Variants in MRTFB observed in about 807,000 individuals in gnomAD.
MRTFB encodes the protein myocardin-related transcription factor B.
A neutral mutation model predicts 104.2 loss-of-function variants in MRTFB; 29 were observed. That is an observed-to-expected ratio of 0.28 (90% CI 0.21 to 0.38). The LOEUF is 0.38. MRTFB is among the 10% of genes least tolerant of loss of function. The probability of loss-of-function intolerance (pLI) is 1.00; values close to 1 mark genes in which losing one functional copy is unlikely to be tolerated. For missense variants in MRTFB, 1,270 were observed against 1,341.6 expected, an observed-to-expected ratio of 0.95 and a Z score of 0.83; for synonymous variants, 535 against 519.5, an observed-to-expected ratio of 1.03 and a Z score of -0.41.
the MRTFB span, among the ~76,000 whole-genome samples, chr16:14,028,990 AT>A: frequency 6.6e-6 from 1 of 152,110 alleles, no homozygotes; most frequent in African/African-American, 2.4e-5. Context: ...TAAAACAAGC[AT>A]CCTGGGGAAA....
At chr16:14,012,020 G>T in the MRTFB span, among the ~76,000 whole-genome samples, 1 of 152,104 alleles carries the variant, frequency 6.6e-6, no homozygotes, top group African/African-American at 2.4e-5. Flanking sequence ...CATTGCCCCT[G>T]AAAAATGTCT....
chr16:14,113,743 C>G (rs2036394749), intron 2 of MRTFB, among the ~76,000 whole-genome samples: 1 of 152,018 alleles, frequency 6.6e-6, no homozygotes, highest in Non-Finnish European at 1.5e-5. Context: ...CAATAGAGAA[C>G]TCTAACAAAA....
At chr16:14,198,471 G>C (rs2040536272) in intron 3 of MRTFB, among the ~76,000 whole-genome samples, 1 of 152,214 alleles carries the variant, frequency 6.6e-6, no homozygotes, top group Admixed American at 6.5e-5. Flanking sequence ...CTTTTCCTCT[G>C]ATAAAAATGA....
chr16:14,016,496 G>C, the MRTFB span, among the ~76,000 whole-genome samples: 2 of 151,978 alleles, frequency 1.3e-5, no homozygotes, highest in African/African-American at 2.4e-5. Flanking sequence ...ACCTAGGCTG[G>C]GCGCGGTGGC....
intron 2 of MRTFB, among the ~76,000 whole-genome samples, chr16:14,095,324 T>C (rs1251281065): frequency 2.6e-5 from 4 of 152,198 alleles, no homozygotes; most frequent in African/African-American, 4.8e-5. Context: ...GGAGACTCCC[T>C]TGTAGAGGAT....
chr16:14,232,679 A>C (rs1362202051), intron 8 of MRTFB, among the ~76,000 whole-genome samples: 2 of 152,222 alleles, frequency 1.3e-5, no homozygotes, highest in East Asian at 3.8e-4. Flanking sequence ...GCACACTCGC[A>C]CACCCACGGT....
intron 6 of MRTFB, among the ~76,000 whole-genome samples, chr16:14,216,632 C>T (rs2041439741): frequency 6.6e-6 from 1 of 151,946 alleles, no homozygotes; most frequent in Non-Finnish European, 1.5e-5. Flanking sequence ...CCGACCGAGA[C>T]ACAGGGGATC....
the MRTFB span, among the ~76,000 whole-genome samples, chr16:14,039,563 A>G: frequency 6.6e-6 from 1 of 151,982 alleles, no homozygotes; most frequent in African/African-American, 2.4e-5. Context: ...CCTTATCTAT[A>G]TATGCGTGCA....
intron 2 of MRTFB, among the ~76,000 whole-genome samples, chr16:14,099,568 T>C (rs2035583497): frequency 1.3e-5 from 2 of 152,004 alleles, no homozygotes; most frequent in South Asian, 4.1e-4. Context: ...TTTCACCCTG[T>C]TGGCCTGACT....
intron 8 of MRTFB, among the ~76,000 whole-genome samples, chr16:14,232,485 G>A (rs947102144): frequency 2.0e-5 from 3 of 152,184 alleles, no homozygotes; most frequent in Non-Finnish European, 2.9e-5. Flanking sequence ...GAACACAGGT[G>A]TCCATTCTCT....
chr16:14,057,327 C>T, the MRTFB span, among the ~76,000 whole-genome samples: 3 of 152,134 alleles, frequency 2.0e-5, no homozygotes, highest in South Asian at 4.1e-4. Flanking sequence ...TACTGTCACC[C>T]GATGGCCCTC....
At chr16:14,079,088 C>T (rs191750732) in intron 1 of MRTFB, among the ~76,000 whole-genome samples, 63 of 152,228 alleles carry the variant, frequency 4.1e-4, no homozygotes, top group African/African-American at 1.4e-3. Context: ...TGAATACAGT[C>T]GTGTATAGGT....
chr16:14,238,509 T>G (rs1432482576), intron 9 of MRTFB, among the ~76,000 whole-genome samples: 1 of 152,120 alleles, frequency 6.6e-6, no homozygotes, highest in Non-Finnish European at 1.5e-5. Flanking sequence ...GAGATTGGGA[T>G]GCTGGGAAGC....
At chr16:14,189,143 T>C (rs575479786) in intron 3 of MRTFB, among the ~76,000 whole-genome samples, 5 of 152,346 alleles carry the variant, frequency 3.3e-5, no homozygotes, top group South Asian at 4.1e-4. Context: ...GCTTCAAAGT[T>C]AGTGACATTG....
Position 14,200,864 on chromosome 16 carries a change from G to C in MRTFB, c.155-9379G>C, listed in dbSNP as rs555301076. The C allele has an allele frequency of 2.1e-6, 3 of 1,455,448 alleles. No individual in the cohort carries two copies. In the African/African-American group the frequency reaches 4.2e-5, roughly 20 times the overall value. The allele number at this position is 1,455,448 out of a possible 1,614,324, so 90.2% of individuals were successfully genotyped here. ...GTGCTACAAGGTGCCAACCTGTATG[G>C]TTACCTCAGGTGTAAGGTGGGCAGC... is the stretch of plus-strand genomic sequence containing the variant. On this transcript the variant is annotated intron_variant, in intron 3 of 16. Transcript: ENST00000571589.
At chr16:14,058,712 G>GT in the MRTFB span, among the ~76,000 whole-genome samples, 4,385 of 86,760 alleles carry the variant, frequency 0.051, 605 homozygotes, top group African/African-American at 0.088. Flanking sequence ...ATTTGTATTT[G>GT]TTTTTTTTTT....
the MRTFB span, among the ~76,000 whole-genome samples, chr16:14,038,940 G>A: frequency 6.6e-6 from 1 of 152,156 alleles, no homozygotes; most frequent in Non-Finnish European, 1.5e-5. Flanking sequence ...CCAACTGAAA[G>A]GCGACACCCT....
chr16:14,248,916 C>T lies in MRTFB; in HGVS notation c.2248-10C>T. The T allele has an allele frequency of 1.2e-6, 2 of 1,603,186 alleles. No homozygotes were observed. The highest frequency in any genetic ancestry group is 1.7e-6 in the Non-Finnish European group (2 of 1,176,380). ...AATTAAATTGATGTTTTTTTCAATTCACCTCCTAGACTTCACCACAAGCAG... is the reference window on the plus strand; with the variant it reads ...AATTAAATTGATGTTTTTTTCAATTTACCTCCTAGACTTCACCACAAGCAG... On this transcript the variant is annotated splice_polypyrimidine_tract_variant and intron_variant, in intron 12 of 16. Transcript: ENST00000571589.
chr16:14,066,320 C>T (rs1403280384), upstream of MRTFB, among the ~76,000 whole-genome samples: 1 of 151,546 alleles, frequency 6.6e-6, no homozygotes. Flanking sequence ...GTTGCCCAGG[C>T]TGGAGTGCAG....
Sources: allele counts gnomAD v4.1 joint callset (sites outside exome capture counted in the v4.1 genomes callset), GRCh38; gene constraint gnomAD v4.1.1; transcripts MANE v1.5; gene names NCBI Gene and HGNC (gene_info 2026-07-23, HGNC 2026-07-21).